GBX1: variants seen among roughly 807,000 people sequenced by gnomAD.
The protein encoded by GBX1 is homeobox protein GBX-1.
In GBX1, 9 loss-of-function variants were observed where a neutral mutation model predicts 22.9. The observed-to-expected ratio is 0.39, with a 90% CI of 0.24 to 0.69. The LOEUF (loss-of-function observed/expected upper bound fraction) is 0.69, where lower values mean the gene tolerates loss of function less well. GBX1 is among the 30% of genes least tolerant of loss of function. The probability of loss-of-function intolerance (pLI) is 0.43; values close to 1 mark genes in which losing one functional copy is unlikely to be tolerated. For missense variants in GBX1, 494 were observed against 509.2 expected (o/e 0.97, Z 0.29); for synonymous variants, 203 against 227.3 (o/e 0.89, Z 0.96).
intron 1 of GBX1, among the ~76,000 whole-genome samples, chr7:151,163,202 T>A (rs1299116593): frequency 6.6e-6 from 1 of 152,012 alleles, no homozygotes; most frequent in African/African-American, 2.4e-5. Flanking sequence ...CTGCACCACA[T>A]CTTGCACACA....
At chr7:151,163,542 A>C (rs1381701086) in intron 1 of GBX1, among the ~76,000 whole-genome samples, 2 of 152,214 alleles carry the variant, frequency 1.3e-5, no homozygotes, top group East Asian at 1.9e-4. Flanking sequence ...ATAACACTGG[A>C]GTTTGAAGAC....
intron 1 of GBX1, among the ~76,000 whole-genome samples, chr7:151,162,964 G>A (rs1454786562): frequency 6.6e-6 from 1 of 151,950 alleles, no homozygotes; most frequent in Non-Finnish European, 1.5e-5. Context: ...GCGGCACTAA[G>A]CCCGGCTAAT....
intron 1 of GBX1, among the ~76,000 whole-genome samples, chr7:151,150,459 C>T (rs1305961708): frequency 6.6e-6 from 1 of 152,174 alleles, no homozygotes; most frequent in African/African-American, 2.4e-5. Context: ...GTATCGGCCA[C>T]ATATCAGATA....
chr7:151,167,232 G>C lies in GBX1; in HGVS notation c.317C>G (p.Pro106Arg). ...AGCGTCGGGCGGCTCCGCGAAGCTG[G>C]GCAGCGCGGTGGTCAGCGCCACCAT... ...PSMVALTTAL[P>R]SFAEPPDAFY... The change falls in exon 1 of 2, where the codon CCC becomes CGC. Residue 106 changes from proline to arginine, a missense_variant. Coordinates refer to ENST00000297537, the MANE Select transcript of GBX1 (RefSeq NM_001098834.3). The surrounding 1 kb of genome is among the most constrained non-coding windows in gnomAD (Gnocchi z 5.9). 2 of 1,554,348 alleles carry C rather than the reference G, an allele frequency of 1.3e-6. No homozygotes were observed. Among genetic ancestry groups the C allele is most frequent in the Non-Finnish European group, 1.7e-6 (2 of 1,152,104 alleles).
At chr7:151,158,834 T>C (rs1443517491) in intron 1 of GBX1, among the ~76,000 whole-genome samples, 1 of 152,132 alleles carries the variant, frequency 6.6e-6, no homozygotes, top group African/African-American at 2.4e-5. Flanking sequence ...AAGGATAAAT[T>C]CTTGAGCACC....
chr7:151,149,583 G>C (rs971452130), intron 1 of GBX1, among the ~76,000 whole-genome samples: 5 of 152,174 alleles, frequency 3.3e-5, no homozygotes, highest in Non-Finnish European at 5.9e-5. Context: ...AAGCAGTATG[G>C]GACCCGGCTT....
At chr7:151,151,693 C>T (rs1801081074) in intron 1 of GBX1, among the ~76,000 whole-genome samples, 2 of 152,208 alleles carry the variant, frequency 1.3e-5, no homozygotes, top group South Asian at 4.1e-4. Context: ...CCTGCTAGTG[C>T]TGCTGCCTTT....
At chr7:151,157,259 G>A (rs1801146193) in intron 1 of GBX1, among the ~76,000 whole-genome samples, 1 of 152,102 alleles carries the variant, frequency 6.6e-6, no homozygotes, top group African/African-American at 2.4e-5. Flanking sequence ...TCGCGCCACT[G>A]CACTCCAGCC....
At chr7:151,164,294 G>C (rs182074305) in intron 1 of GBX1, among the ~76,000 whole-genome samples, 1 of 152,188 alleles carries the variant, frequency 6.6e-6, no homozygotes, top group Non-Finnish European at 1.5e-5. Flanking sequence ...TCACAGCAGA[G>C]AGCTCTGTCA....
intron 1 of GBX1, among the ~76,000 whole-genome samples, chr7:151,160,604 T>A (rs997833226): frequency 2.0e-5 from 3 of 152,230 alleles, no homozygotes; most frequent in Non-Finnish European, 2.9e-5. Flanking sequence ...TTCCCCTCTA[T>A]AATGGCCAGT....
chr7:151,159,274 C>T (rs1442708607), intron 1 of GBX1, among the ~76,000 whole-genome samples: 7 of 151,966 alleles, frequency 4.6e-5, no homozygotes, highest in Admixed American at 6.6e-5. Flanking sequence ...TTTGTAGAGA[C>T]GGGATTTTGC....
At chr7:151,149,220 G>A in intron 1 of GBX1, 78 bp from the exon 2 acceptor site, 1 of 1,370,262 alleles carries the variant, frequency 7.3e-7, no homozygotes, top group Non-Finnish European at 9.9e-7. Flanking sequence ...ATGGAACCAT[G>A]GCCAGAAATG....
chr7:151,150,381 C>A (rs1455762307), intron 1 of GBX1, among the ~76,000 whole-genome samples: 1 of 152,324 alleles, frequency 6.6e-6, no homozygotes, highest in Admixed American at 6.5e-5. Flanking sequence ...TAGTCAGCTC[C>A]TTTCCAGAAG....
intron 1 of GBX1, chr7:151,149,778 G>A: frequency 2.6e-6 from 1 of 379,494 alleles, no homozygotes; most frequent in Non-Finnish European, 5.3e-6. Flanking sequence ...CCCTAGATCT[G>A]CAGTCCCTGA....
intron 1 of GBX1, among the ~76,000 whole-genome samples, chr7:151,154,152 A>C (rs1801108985): frequency 6.6e-6 from 1 of 152,138 alleles, no homozygotes; most frequent in Non-Finnish European, 1.5e-5. Context: ...GCAGGATTGC[A>C]GTGAGCAGAG....
At chr7:151,152,778 G>A (rs1010397554) in intron 1 of GBX1, among the ~76,000 whole-genome samples, 7 of 152,258 alleles carry the variant, frequency 4.6e-5, no homozygotes, top group East Asian at 1.9e-4. Context: ...CACATGAGCC[G>A]GCCACCCTCA....
chr7:151,164,806 A>G lies in GBX1; in HGVS notation c.538+2205T>C, dbSNP rs1801231674. Reference sequence around the variant, plus strand: ...TTTTTTTTTTTTTTTTGCTTTCAACATTTTCCTCGGATGATGAAGCTCTGT... The same window carrying G: ...TTTTTTTTTTTTTTTTGCTTTCAACGTTTTCCTCGGATGATGAAGCTCTGT... On this transcript the variant is annotated intron_variant, in intron 1 of 1. Coordinates refer to ENST00000297537, the MANE Select transcript of GBX1 (RefSeq NM_001098834.3). Among the ~76,000 whole-genome samples, 8 of 106,292 alleles carry G rather than the reference A, an allele frequency of 7.5e-5. No homozygotes were observed. The South Asian group carries it at 2.0e-3, about 26-fold the overall frequency. The allele number at this position is 106,292 out of a possible 152,430, so 69.7% of individuals were successfully genotyped here. A position where few individuals can be genotyped will look rare whatever the true frequency, so the allele number is the denominator to read the frequency against.
rs765740892 is a variant in GBX1, at chr7:151,149,089, C to T, written c.592G>A (p.Asp198Asn). 6.2e-7 allele frequency: 1 copy of T among 1,612,654 alleles called. No homozygotes were observed. Among genetic ancestry groups the T allele is most frequent in the East Asian group, 2.2e-5 (1 of 44,872 alleles). ...DEEKLEASAGDPAGSEQEEEG... is the reference protein window; with the variant it reads ...DEEKLEASAGNPAGSEQEEEG... Reference sequence around the variant, plus strand: ...TCCTCCTGTTCGCTGCCTGCTGGGTCTCCTGCTGATGCCTCCAGCTTCTCC... The same window carrying T: ...TCCTCCTGTTCGCTGCCTGCTGGGTTTCCTGCTGATGCCTCCAGCTTCTCC... Residue 198 changes from aspartate to asparagine, a missense_variant, in exon 2 of 2, where the codon GAC (aspartate) becomes AAC (asparagine). Transcript: ENST00000297537.
intron 1 of GBX1, among the ~76,000 whole-genome samples, chr7:151,159,228 GT>G (rs1183212681): frequency 6.6e-6 from 1 of 151,768 alleles, no homozygotes; most frequent in African/African-American, 2.4e-5. Context: ...GGGACCACAG[GT>G]GTGCGCCACC....
Sources: gnomAD v4.1 joint callset for allele counts (sites outside exome capture counted in the v4.1 genomes callset) on GRCh38, gnomAD v4.1.1 for gene constraint, Gnocchi (gnomAD v3.1) non-coding constraint, MANE v1.5 for transcripts, NCBI Gene and HGNC (gene_info 2026-07-23, HGNC 2026-07-21) for gene names.